PROCR: variants seen among roughly 807,000 people sequenced by gnomAD.
PROCR encodes the protein endothelial protein C receptor.
Under a neutral mutation model 24.2 loss-of-function variants are expected in PROCR, and 22 were observed. That is an observed-to-expected ratio of 0.91 (90% CI 0.65 to 1.30). The LOEUF (loss-of-function observed/expected upper bound fraction) is 1.30. PROCR is among the 50% of genes most tolerant of loss of function. PROCR has a pLI of 0.00. For synonymous variants in PROCR, 137 were observed against 139.2 expected (o/e 0.98, Z 0.11); for missense variants, 288 against 307.7 (o/e 0.94, Z 0.48).
At chr20:35,182,984 AAAAAAAAAAAAAAAAG>A (rs1177434098) in intron 1 of PROCR, among the ~76,000 whole-genome samples, 3 of 25,052 alleles carry the variant, frequency 1.2e-4, no homozygotes, top group Non-Finnish European at 2.2e-4. Context: ...AAAAAAAAAA[AAAAAAAAAAAAAAAAG>A]GAAAGAAAGA....
At chr20:35,179,032 C>T (rs2086053785), downstream of PROCR, among the ~76,000 whole-genome samples, 1 of 147,390 alleles carries the variant, frequency 6.8e-6, no homozygotes, top group Non-Finnish European at 1.5e-5. Context: ...GAGATCGAGA[C>T]CATCCTGACT....
chr20:35,171,843 G>A (rs1388109341), upstream of PROCR, among the ~76,000 whole-genome samples: 1 of 151,954 alleles, frequency 6.6e-6, no homozygotes, highest in Admixed American at 6.6e-5. Context: ...CCCCTTTTCC[G>A]CTCCCTGTTC....
intron 1 of PROCR, among the ~76,000 whole-genome samples, chr20:35,212,548 G>A (rs895613315): frequency 2.0e-5 from 3 of 152,192 alleles, no homozygotes; most frequent in Admixed American, 2.0e-4. Context: ...AAGAGATAAT[G>A]AAGGGGCTAA....
At position 35,174,919 on chromosome 20, in the gene PROCR, C is replaced by A. The variant is rs761109678; in HGVS notation, c.288C>A (p.Leu96=). Residue 96 remains leucine (L), a synonymous_variant, in exon 2 of 4, where the codon CTC becomes CTA. Coordinates refer to ENST00000216968, the MANE Select transcript of PROCR (RefSeq NM_006404.5). ...LQSYLLQFHG[L]VRLVHQERTL... is the part of the protein sequence containing the mutation. ...CCTACCTGCTCCAGTTCCACGGCCTCGTGCGCCTGGTGCACCAGGAGCGGA... is the reference window on the plus strand; with the variant it reads ...CCTACCTGCTCCAGTTCCACGGCCTAGTGCGCCTGGTGCACCAGGAGCGGA... The A allele has an allele frequency of 1.5e-5, 21 of 1,434,870 alleles. No individual in the cohort carries two copies. In the East Asian group the frequency reaches 6.8e-4, roughly 47 times the overall value. The allele number at this position is 1,434,870 out of a possible 1,614,324, so 88.9% of individuals were successfully genotyped here. A position where few individuals can be genotyped will look rare whatever the true frequency, so the allele number is the denominator to read the frequency against.
chr20:35,182,181 TCA>T (rs976385656), downstream of PROCR, among the ~76,000 whole-genome samples: 2 of 152,220 alleles, frequency 1.3e-5, no homozygotes, highest in African/African-American at 4.8e-5. Flanking sequence ...CCATTAAGAC[TCA>T]CACAGAGGAA....
rs28776614 is a variant in PROCR at position 35,206,112 on chromosome 20, A to T, written c.95-9781A>T. ...GGTCTCAAACTTCTGACCTCAAGTG[A>T]TCCTCCTGCTCAGCCTCCCAAAGCA... On this transcript the variant is annotated intron_variant, in intron 1 of 1. Coordinates refer to the PROCR transcript ENST00000634509. 8.7e-3 allele frequency among the ~76,000 whole-genome samples: 1,313 copies of T among 151,474 alleles called. 20 individuals are homozygous for T. Among genetic ancestry groups the T allele is most frequent in the African/African-American group, 0.03 (1,253 of 41,302 alleles).
chr20:35,176,194 G>A lies in PROCR; in HGVS notation c.349G>A (p.Gly117Ser). ...TCCTCTGACCATCCGCTGCTTCCTGGGCTGTGAGCTGCCTCCCGAGGGCTC... is the reference window on the plus strand; with the variant it reads ...TCCTCTGACCATCCGCTGCTTCCTGAGCTGTGAGCTGCCTCCCGAGGGCTC... The part of the protein sequence containing the change: ...AFPLTIRCFL[G>S]CELPPEGSRA... Residue 117 changes from glycine to serine, a missense_variant, in exon 3 of 4, where the codon GGC becomes AGC. Coordinates refer to ENST00000216968, the MANE Select transcript of PROCR (RefSeq NM_006404.5). 6.2e-7 allele frequency: 1 copy of A among 1,611,872 alleles called. No homozygotes were observed. The highest frequency in any genetic ancestry group is 8.5e-7 in the Non-Finnish European group (1 of 1,179,106).
intron 1 of PROCR, among the ~76,000 whole-genome samples, chr20:35,189,737 C>T (rs2086157507): frequency 6.6e-6 from 1 of 152,158 alleles, no homozygotes; most frequent in African/African-American, 2.4e-5. Context: ...ATTTCTCAGA[C>T]CAGCCAACAC....
intron 1 of PROCR, among the ~76,000 whole-genome samples, chr20:35,193,463 C>T (rs949077324): frequency 2.0e-5 from 3 of 152,120 alleles, no homozygotes; most frequent in Non-Finnish European, 2.9e-5. Context: ...CATGAGCCAC[C>T]GCACCTGGCC....
chr20:35,173,422 T>TC (rs1465931583), intron 1 of PROCR, among the ~76,000 whole-genome samples: 1 of 139,300 alleles, frequency 7.2e-6, no homozygotes, highest in Non-Finnish European at 1.5e-5. Context: ...CTTTCTTTTT[T>TC]CTTTTTTTTT....
At chr20:35,205,771 A>G (rs141197685) in intron 1 of PROCR, among the ~76,000 whole-genome samples, 3 of 45,480 alleles carry the variant, frequency 6.6e-5, no homozygotes, top group East Asian at 1.5e-3. Flanking sequence ...ATATATATAT[A>G]TATATATATA....
In PROCR at chr20:35,177,232, A is replaced by C. The variant is rs1440011549; in HGVS notation, c.*419A>C. On this transcript the variant is annotated 3_prime_UTR_variant, in exon 4 of 4. Transcript: ENST00000216968. ...TACTTCCAGGTGTGTCAGACTTGGG[A>C]TGGGACGCTGATATAATAGGGTAGA... The C allele has an allele frequency of 9.4e-7, 1 of 1,064,002 alleles. No homozygotes were observed. The highest frequency in any genetic ancestry group is 1.7e-5 in the African/African-American group (1 of 60,356). The allele number at this position is 1,064,002 out of a possible 1,614,324, so 65.9% of individuals were successfully genotyped here. A position where few individuals can be genotyped will look rare whatever the true frequency, so the allele number is the denominator to read the frequency against.
chr20:35,183,975 C>A (rs994760288), intron 1 of PROCR, among the ~76,000 whole-genome samples: 11 of 152,164 alleles, frequency 7.2e-5, no homozygotes, highest in African/African-American at 2.7e-4. Context: ...AATGACCATA[C>A]TGCCAAAAGC....
intron 1 of PROCR, among the ~76,000 whole-genome samples, chr20:35,204,189 A>G (rs1205994164): frequency 6.6e-6 from 1 of 152,202 alleles, no homozygotes; most frequent in Non-Finnish European, 1.5e-5. Flanking sequence ...GAAATGGACC[A>G]ATTTCTTGAA....
chr20:35,202,752 T>A (rs1201483923), intron 1 of PROCR: 2 of 152,134 alleles, frequency 1.3e-5, no homozygotes, highest in Non-Finnish European at 2.9e-5. Flanking sequence ...CAGTCATAAC[T>A]GGGAGACTTC....
At chr20:35,212,071 A>G (rs2060364666) in intron 1 of PROCR, among the ~76,000 whole-genome samples, 1 of 152,174 alleles carries the variant, frequency 6.6e-6, no homozygotes, top group Non-Finnish European at 1.5e-5. Flanking sequence ...TATGTGCAAG[A>G]GCTAGGGGAG....
chr20:35,177,443 C>CTTTTTTTTTTTTTT (rs397865849), downstream of PROCR: 2 of 512,368 alleles, frequency 3.9e-6, no homozygotes, highest in African/African-American at 3.5e-5. Flanking sequence ...CTCACTCATT[C>CTTTTTTTTTTTTTT]TTTTTTTTTT....
Position 35,176,446 on chromosome 20 carries a change from G to A in PROCR, c.601G>A (p.Gly201Arg), listed in dbSNP as rs1367576625. The change falls in exon 3 of 4, where the codon GGG (glycine) becomes AGG (arginine). Residue 201 changes from glycine to arginine, a missense_variant and splice_region_variant. Gly to Arg is a moderately radical substitution (Grantham distance 125). Coordinates refer to ENST00000216968, the MANE Select transcript of PROCR (RefSeq NM_006404.5). Reference sequence around the variant, plus strand: ...ACATATTTCCGCGGAAAACACGAAAGGTATGATGGGACGGGGCCCAGGCCT... The same window carrying A: ...ACATATTTCCGCGGAAAACACGAAAAGTATGATGGGACGGGGCCCAGGCCT... ...QKHISAENTK[G>R]SQTSRSYTSL... 1.2e-6 allele frequency: 2 copies of A among 1,613,532 alleles called. No individual in the cohort carries two copies. The highest frequency in any genetic ancestry group is 8.5e-7 in the Non-Finnish European group (1 of 1,179,722).
At chr20:35,180,118 C>T (rs1256539785), downstream of PROCR, among the ~76,000 whole-genome samples, 3 of 152,066 alleles carry the variant, frequency 2.0e-5, no homozygotes, top group Non-Finnish European at 2.9e-5. Context: ...CGGTGATGCA[C>T]GCTTGTAATC....
Sources: gnomAD v4.1 joint callset for allele counts (sites outside exome capture counted in the v4.1 genomes callset) on GRCh38, gnomAD v4.1.1 for gene constraint, MANE v1.5 for transcripts, NCBI Gene and HGNC (gene_info 2026-07-23, HGNC 2026-07-21) for gene names.